Variants in SYTL2 observed in about 807,000 individuals in gnomAD.
SYTL2 encodes the protein synaptotagmin-like protein 2.
SYTL2 carries 165 observed loss-of-function variants against 198.7 expected under a neutral mutation model. The observed-to-expected ratio is 0.83, with a 90% confidence interval of 0.73 to 0.94. The LOEUF (loss-of-function observed/expected upper bound fraction) is 0.94. Ranked by LOEUF, SYTL2 falls within the 40% of genes least tolerant of loss-of-function variation. The pLI is 0.00. For missense variants in SYTL2, 2,835 were observed against 2,582.8 expected, an observed-to-expected ratio of 1.10 and a Z score of -2.12; for synonymous variants, 966 against 917.7, an observed-to-expected ratio of 1.05 and a Z score of -0.95.
Position 85,725,606 on chromosome 11 carries a change from T to TTTCCAAAAAATCTCCCCTC in SYTL2, c.3733_3751dup (p.Lys1251ArgfsTer18), listed in dbSNP as rs1176025047. On this transcript the variant is annotated frameshift_variant, in exon 8 of 20. Transcript: ENST00000359152. LOFTEE classifies it high-confidence loss of function. ...AGTATTGTGACTCTGTTCTATCCCT[T>TTTCCAAAAAATCTCCCCTC]TTCCAAAAAATCTCCCCTCTTCCAG... The TTTCCAAAAAATCTCCCCTC allele has an allele frequency of 6.2e-7, 1 of 1,614,004 alleles. No homozygotes were observed. Among genetic ancestry groups the TTTCCAAAAAATCTCCCCTC allele is most frequent in the Non-Finnish European group, 8.5e-7 (1 of 1,180,012 alleles).
the SYTL2 span, among the ~76,000 whole-genome samples, chr11:85,845,146 A>G: frequency 6.6e-6 from 1 of 152,244 alleles, no homozygotes; most frequent in Admixed American, 6.5e-5. Context: ...CCTGACTCTC[A>G]AGACTGGATT....
At chr11:85,824,698 G>C in the SYTL2 span, among the ~76,000 whole-genome samples, 1 of 152,188 alleles carries the variant, frequency 6.6e-6, no homozygotes, top group African/African-American at 2.4e-5. Context: ...AAATGAGTAA[G>C]GGAGCCAATA....
chr11:85,833,349 A>C, the SYTL2 span, among the ~76,000 whole-genome samples: 3 of 148,202 alleles, frequency 2.0e-5, no homozygotes, highest in African/African-American at 7.4e-5. Context: ...TCATATATAT[A>C]CACGATATAT....
intron 7 of SYTL2, among the ~76,000 whole-genome samples, chr11:85,730,723 A>G (rs1160226187): frequency 1.3e-5 from 2 of 152,194 alleles, no homozygotes; most frequent in Admixed American, 6.5e-5. Context: ...TATTCAACAT[A>G]GTATTGGAAG....
chr11:85,819,548 G>A, the SYTL2 span, among the ~76,000 whole-genome samples: 3 of 152,204 alleles, frequency 2.0e-5, no homozygotes, highest in African/African-American at 4.8e-5. Flanking sequence ...TCACATGGCT[G>A]CTGGATCCCA....
chr11:85,767,336 T>C (rs2092262924), intron 1 of SYTL2, among the ~76,000 whole-genome samples: 1 of 152,192 alleles, frequency 6.6e-6, no homozygotes. Flanking sequence ...ATTTGCAAAC[T>C]GGCTAATAAA....
chr11:85,829,979 C>T, the SYTL2 span, among the ~76,000 whole-genome samples: 1 of 152,178 alleles, frequency 6.6e-6, no homozygotes, highest in Non-Finnish European at 1.5e-5. Flanking sequence ...TAAATGTCAA[C>T]TAATTGGTCC....
chr11:85,710,856 C>T (rs1358560302), intron 13 of SYTL2, among the ~76,000 whole-genome samples: 1 of 151,812 alleles, frequency 6.6e-6, no homozygotes, highest in Non-Finnish European at 1.5e-5. Flanking sequence ...ATCTTCTTGG[C>T]AATTTAAGTT....
At chr11:85,848,444 T>C in the SYTL2 span, among the ~76,000 whole-genome samples, 4 of 146,874 alleles carry the variant, frequency 2.7e-5, no homozygotes, top group African/African-American at 7.5e-5. Flanking sequence ...TTCACCTTTA[T>C]GATTCATTTT....
intron 1 of SYTL2, among the ~76,000 whole-genome samples, chr11:85,762,304 A>C (rs17148453): frequency 0.057 from 8,725 of 152,226 alleles, 797 homozygotes; most frequent in African/African-American, 0.19. Flanking sequence ...CAATAACCTC[A>C]GTAAAGAAGG....
the SYTL2 span, among the ~76,000 whole-genome samples, chr11:85,849,643 T>C: frequency 4.0e-5 from 6 of 150,244 alleles, no homozygotes; most frequent in Non-Finnish European, 7.4e-5. Flanking sequence ...TCCATTGATC[T>C]ATATCTCTGT....
chr11:85,750,908 G>A lies in SYTL2; in HGVS notation c.102-2485C>T, dbSNP rs2153533135. Among the ~76,000 whole-genome samples the A allele has an allele frequency of 2.6e-5, 4 of 152,260 alleles. No individual in the cohort carries two copies. In the Middle Eastern group the frequency reaches 0.01, roughly 388 times the overall value. On this transcript the variant is annotated intron_variant, in intron 2 of 19. Transcript: ENST00000359152. ...AAGGAGGCCACAAACCCTTATAGCA[G>A]AACAACACCCAATTTCTTTTCATAA... is the stretch of plus-strand genomic sequence containing the variant.
intron 12 of SYTL2, among the ~76,000 whole-genome samples, chr11:85,713,856 T>C (rs919666323): frequency 1.3e-5 from 2 of 152,308 alleles, no homozygotes; most frequent in African/African-American, 4.8e-5. Context: ...CCAGTCCTGG[T>C]TGAACCCCCT....
intron 1 of SYTL2, among the ~76,000 whole-genome samples, chr11:85,796,014 C>A (rs745480928): frequency 1.3e-5 from 2 of 152,200 alleles, no homozygotes; most frequent in Admixed American, 1.3e-4. Context: ...CATAGAAGAG[C>A]CTTAACATTC....
intron 3 of SYTL2, among the ~76,000 whole-genome samples, chr11:85,747,827 TC>T (rs1239198380): frequency 6.6e-6 from 1 of 152,186 alleles, no homozygotes; most frequent in Non-Finnish European, 1.5e-5. Flanking sequence ...AGAAGGTTTT[TC>T]CATTAAAAAA....
intron 7 of SYTL2, among the ~76,000 whole-genome samples, chr11:85,731,399 G>T (rs2089813369): frequency 1.3e-5 from 2 of 152,134 alleles, no homozygotes; most frequent in East Asian, 3.9e-4. Flanking sequence ...TAGACCAATG[G>T]GACAGAACAG....
chr11:85,829,241 A>G, the SYTL2 span, among the ~76,000 whole-genome samples: 9 of 152,246 alleles, frequency 5.9e-5, no homozygotes, highest in African/African-American at 1.7e-4. Context: ...TCCCTCCCTC[A>G]TCTGGTAGTC....
chr11:85,844,412 G>C, the SYTL2 span, among the ~76,000 whole-genome samples: 1 of 152,148 alleles, frequency 6.6e-6, no homozygotes. Flanking sequence ...TCCTGAAAAT[G>C]TCATTTTATT....
At position 85,727,215 on chromosome 11, in the gene SYTL2, C is replaced by G. The variant is rs1325152273; in HGVS notation, c.2143G>C (p.Asp715His). 31 of 1,536,146 alleles carry G rather than the reference C, an allele frequency of 2.0e-5. No individual in the cohort carries two copies. Among genetic ancestry groups the G allele is most frequent in the Admixed American group, 3.9e-5 (2 of 50,962 alleles). ...GGTTCTTTGACAACTGTTGAAGAGT[C>G]AAAATTCACTTCTGAGTGTCCTCTA... ...ENRGHSEVNF[D>H]SSTVVKEPGL... The change falls in exon 8 of 20, where the codon GAC becomes CAC. Residue 715 changes from aspartate (D) to histidine (H), a missense_variant. Asp to His is a moderately conservative substitution (Grantham distance 81). Coordinates refer to ENST00000359152, the MANE Select transcript of SYTL2 (RefSeq NM_206927.4).
Sources: gnomAD v4.1 joint callset for allele counts (sites outside exome capture counted in the v4.1 genomes callset) on GRCh38, gnomAD v4.1.1 for gene constraint, MANE v1.5 for transcripts, NCBI Gene and HGNC (gene_info 2026-07-23, HGNC 2026-07-21) for gene names.